Variants in CPQ observed in about 807,000 individuals in gnomAD.
CPQ encodes the protein Ser-Met dipeptidase.
Under a neutral mutation model 45.7 loss-of-function variants are expected in CPQ, and 37 were observed. That is an observed-to-expected ratio of 0.81 (90% CI 0.62 to 1.07). CPQ has a LOEUF of 1.07. CPQ is among the 50% of genes least tolerant of loss of function. The pLI is 0.00. For synonymous variants in CPQ, 186 were observed against 205.8 expected, an observed-to-expected ratio of 0.90 and a Z score of 0.82; for missense variants, 537 against 572.9, an observed-to-expected ratio of 0.94 and a Z score of 0.64.
chr8:96,756,828 AT>A (rs1320893524), intron 1 of CPQ, among the ~76,000 whole-genome samples: 2 of 152,064 alleles, frequency 1.3e-5, no homozygotes, highest in Admixed American at 1.3e-4. Context: ...TCACCCTGAT[AT>A]TTCTCTTTAT....
chr8:96,740,778 T>G (rs1373004432), intron 1 of CPQ, among the ~76,000 whole-genome samples: 1 of 152,226 alleles, frequency 6.6e-6, no homozygotes, highest in Non-Finnish European at 1.5e-5. Context: ...TAGATTTATG[T>G]ATATTGAACC....
At chr8:96,769,671 G>A (rs558291229) in intron 1 of CPQ, among the ~76,000 whole-genome samples, 1 of 121,124 alleles carries the variant, frequency 8.3e-6, no homozygotes, top group Non-Finnish European at 1.6e-5. Context: ...TGGCTCTGTT[G>A]CCCATGGTGG....
chr8:96,771,090 A>ATTATATATATATAAATATATATAT, intron 1 of CPQ, among the ~76,000 whole-genome samples: 1 of 146,126 alleles, frequency 6.8e-6, no homozygotes, highest in African/African-American at 2.5e-5. Context: ...ATATATATAT[A>ATTATATATATATAAATATATATAT]TTATATATAT....
At chr8:96,720,325 A>T (rs1457958945) in intron 1 of CPQ, among the ~76,000 whole-genome samples, 1 of 151,956 alleles carries the variant, frequency 6.6e-6, no homozygotes, top group Non-Finnish European at 1.5e-5. Flanking sequence ...GGATCTAGTC[A>T]TTTTTTTATT....
chr8:97,128,176 G>A (rs1275523444), intron 7 of CPQ, among the ~76,000 whole-genome samples: 1 of 152,178 alleles, frequency 6.6e-6, no homozygotes, highest in Admixed American at 6.5e-5. Context: ...CCAAGGTTTT[G>A]CAGCACTATG....
chr8:96,954,364 G>A (rs1188106973), intron 4 of CPQ, among the ~76,000 whole-genome samples: 1 of 151,924 alleles, frequency 6.6e-6, no homozygotes, highest in East Asian at 1.9e-4. Context: ...CTAATGACAA[G>A]TCAAAATAAT....
intron 1 of CPQ, among the ~76,000 whole-genome samples, chr8:96,703,194 T>C (rs1364576065): frequency 6.6e-6 from 1 of 152,214 alleles, no homozygotes; most frequent in African/African-American, 2.4e-5. Context: ...GTGACAACTT[T>C]ATAGAACATA....
At chr8:97,068,440 T>A (rs548100993) in intron 7 of CPQ, among the ~76,000 whole-genome samples, 1 of 152,242 alleles carries the variant, frequency 6.6e-6, no homozygotes, top group East Asian at 1.9e-4. Flanking sequence ...GAGACCAGCC[T>A]GACCAACATG....
intron 4 of CPQ, among the ~76,000 whole-genome samples, chr8:96,920,309 G>A (rs1178018589): frequency 6.6e-6 from 1 of 152,162 alleles, no homozygotes; most frequent in Non-Finnish European, 1.5e-5. Context: ...CACCAGGGAA[G>A]AGTAGCTATA....
chr8:96,787,967 C>T (rs979983775), intron 2 of CPQ, among the ~76,000 whole-genome samples: 3 of 151,916 alleles, frequency 2.0e-5, no homozygotes, highest in Non-Finnish European at 4.4e-5. Flanking sequence ...TTCTCTGAGC[C>T]TTTATTCATC....
Position 96,927,008 on chromosome 8 carries a change from T to C in CPQ, c.850-38927T>C, listed in dbSNP as rs994032456. ...TTGGCTGCAATAGTGAAAGAGAAAATGGGCGTAAGCTGCAACATGAGAAAT... is the reference window on the plus strand; with the variant it reads ...TTGGCTGCAATAGTGAAAGAGAAAACGGGCGTAAGCTGCAACATGAGAAAT... On this transcript the variant is annotated intron_variant, in intron 4 of 7. Transcript: ENST00000220763. Among the ~76,000 whole-genome samples the C allele has an allele frequency of 7.2e-5, 11 of 152,220 alleles. 1 individual carries two copies. The highest frequency in any genetic ancestry group is 1.6e-4 in the Non-Finnish European group (11 of 68,042).
intron 4 of CPQ, among the ~76,000 whole-genome samples, chr8:96,948,312 G>C (rs937123804): frequency 2.6e-5 from 4 of 152,026 alleles, no homozygotes; most frequent in Non-Finnish European, 5.9e-5. Context: ...TCCAATTTGT[G>C]AACTGCAGCC....
chr8:97,122,967 AAAATAAAATAAAAT>A (rs1811748267), intron 7 of CPQ, among the ~76,000 whole-genome samples: 7 of 72,776 alleles, frequency 9.6e-5, no homozygotes, highest in South Asian at 4.0e-4. Context: ...AAAATAAAAT[AAAATAAAATAAAAT>A]TAAAATAAAA....
intron 2 of CPQ, among the ~76,000 whole-genome samples, chr8:96,792,416 T>C (rs1426275328): frequency 6.6e-6 from 1 of 152,198 alleles, no homozygotes. Context: ...TGGTTTATGG[T>C]CTCTGAGCCC....
chr8:96,903,819 G>A (rs1183204917), intron 4 of CPQ, among the ~76,000 whole-genome samples: 1 of 152,148 alleles, frequency 6.6e-6, no homozygotes, highest in African/African-American at 2.4e-5. Context: ...TAGAGCAGAG[G>A]AAAGCCATAT....
chr8:96,955,678 A>G (rs1407099388), intron 4 of CPQ, among the ~76,000 whole-genome samples: 1 of 152,222 alleles, frequency 6.6e-6, no homozygotes, highest in African/African-American at 2.4e-5. Context: ...AAACAGAGAA[A>G]TAGACCAATG....
intron 2 of CPQ, among the ~76,000 whole-genome samples, chr8:96,799,389 G>T (rs1050595788): frequency 6.6e-6 from 1 of 152,150 alleles, no homozygotes; most frequent in African/African-American, 2.4e-5. Context: ...CCCATCATCA[G>T]ATAAGTAATT....
At chr8:96,888,562 G>T (rs1335809583) in intron 4 of CPQ, among the ~76,000 whole-genome samples, 5 of 152,190 alleles carry the variant, frequency 3.3e-5, no homozygotes, top group Non-Finnish European at 7.3e-5. Flanking sequence ...CAGAGTAAGG[G>T]TGTTGCTGTT....
At chr8:96,705,745 T>C (rs2130749386) in intron 1 of CPQ, among the ~76,000 whole-genome samples, 1 of 152,248 alleles carries the variant, frequency 6.6e-6, no homozygotes, top group South Asian at 2.1e-4. Flanking sequence ...CCTCTAACTT[T>C]ATCCCAATTC....
Sources: gnomAD v4.1 joint callset for allele counts (sites outside exome capture counted in the v4.1 genomes callset) on GRCh38, gnomAD v4.1.1 for gene constraint, MANE v1.5 for transcripts, NCBI Gene and HGNC (gene_info 2026-07-23, HGNC 2026-07-21) for gene names.